PMFBP1: variants seen among roughly 807,000 people sequenced by gnomAD.
The protein encoded by PMFBP1 is polyamine modulated factor 1 binding protein 1.
A neutral mutation model predicts 137.8 loss-of-function variants in PMFBP1; 131 were observed. The observed-to-expected ratio is 0.95, with a 90% CI of 0.82 to 1.10. The LOEUF is 1.10. Among genes scored for constraint, PMFBP1 ranks in the 50% least tolerant of loss-of-function variants. The pLI, the probability that PMFBP1 is intolerant of heterozygous loss-of-function variation, is 0.00. For synonymous variants in PMFBP1, 490 were observed against 450.4 expected, an observed-to-expected ratio of 1.09 and a Z score of -1.11; for missense variants, 1,199 against 1,175.4, an observed-to-expected ratio of 1.02 and a Z score of -0.29.
chr16:72,205,019 C>G, the PMFBP1 span, among the ~76,000 whole-genome samples: 6 of 152,174 alleles, frequency 3.9e-5, no homozygotes. Flanking sequence ...CACACAGGCC[C>G]TATGTACTAA....
intron 2 of PMFBP1, 75 bp downstream of exon 2, chr16:72,171,122 G>C (rs1307017938): frequency 2.7e-6 from 4 of 1,507,456 alleles, no homozygotes; most frequent in Non-Finnish European, 3.7e-6. Context: ...CTGGAATTTT[G>C]AATCATAAAA....
intron 5 of PMFBP1, among the ~76,000 whole-genome samples, chr16:72,149,954 T>A (rs1328310189): frequency 6.6e-6 from 1 of 152,128 alleles, no homozygotes. Context: ...AGGAGGAGAA[T>A]GATGGGGAAG....
the PMFBP1 span, among the ~76,000 whole-genome samples, chr16:72,222,698 C>T: frequency 6.6e-6 from 1 of 152,178 alleles, no homozygotes; most frequent in South Asian, 2.1e-4. Flanking sequence ...TTTAATCTCT[C>T]AGTTTCCACA....
At chr16:72,214,970 A>C in the PMFBP1 span, among the ~76,000 whole-genome samples, 15 of 152,222 alleles carry the variant, frequency 9.9e-5, no homozygotes, top group African/African-American at 2.4e-5. Context: ...AGAAATAAAA[A>C]TCAGTCCTTG....
chr16:72,150,293 T>C, intron 5 of PMFBP1, among the ~76,000 whole-genome samples: 1 of 152,150 alleles, frequency 6.6e-6, no homozygotes, highest in Non-Finnish European at 1.5e-5. Flanking sequence ...AGATGAGCTG[T>C]GATGCAATCT....
At chr16:72,208,280 G>A in the PMFBP1 span, among the ~76,000 whole-genome samples, 6 of 152,206 alleles carry the variant, frequency 3.9e-5, no homozygotes, top group Non-Finnish European at 5.9e-5. Flanking sequence ...GAAATGTGTG[G>A]TAGGGAAAAG....
chr16:72,161,068 A>G (rs979712622), intron 3 of PMFBP1, among the ~76,000 whole-genome samples: 1 of 145,896 alleles, frequency 6.9e-6, no homozygotes, highest in Non-Finnish European at 1.5e-5. Context: ...GTTTAGCCTT[A>G]TATCACTGGA....
chr16:72,154,508 G>A (rs752977708), intron 3 of PMFBP1, 49 bp from the exon 4 acceptor site: 4 of 1,566,242 alleles, frequency 2.6e-6, no homozygotes, highest in Non-Finnish European at 3.5e-6. Flanking sequence ...CATCACTAAG[G>A]ACGTATTCAT....
the PMFBP1 span, among the ~76,000 whole-genome samples, chr16:72,243,479 T>C: frequency 6.6e-6 from 1 of 152,214 alleles, no homozygotes; most frequent in African/African-American, 2.4e-5. Context: ...ACTCATTGCA[T>C]TCCACCAATT....
the PMFBP1 span, among the ~76,000 whole-genome samples, chr16:72,203,994 T>C: frequency 3.3e-5 from 5 of 152,196 alleles, no homozygotes; most frequent in Admixed American, 6.5e-5. Flanking sequence ...GAGGACCCTG[T>C]CTGCCTCTGT....
chr16:72,196,007 GT>G, the PMFBP1 span, among the ~76,000 whole-genome samples: 6 of 151,978 alleles, frequency 3.9e-5, no homozygotes, highest in South Asian at 1.3e-3. Flanking sequence ...GTGTGTGTGT[GT>G]GTGTGTGTGT....
the PMFBP1 span, among the ~76,000 whole-genome samples, chr16:72,248,635 C>T: frequency 6.6e-6 from 1 of 152,098 alleles, no homozygotes; most frequent in Non-Finnish European, 1.5e-5. Flanking sequence ...CACATAATTC[C>T]ATTTCAGCAT....
the PMFBP1 span, among the ~76,000 whole-genome samples, chr16:72,245,251 T>A: frequency 6.6e-6 from 1 of 152,194 alleles, no homozygotes; most frequent in Admixed American, 6.5e-5. Flanking sequence ...TTTTGAGCAT[T>A]TAACATGTGC....
chr16:72,133,142 G>T, intron 9 of PMFBP1, 151 bp from the exon 10 acceptor site: 1 of 785,730 alleles, frequency 1.3e-6, no homozygotes. Flanking sequence ...TTCCCCTCAG[G>T]CTATTCTCCA....
the PMFBP1 span, among the ~76,000 whole-genome samples, chr16:72,199,127 C>T: frequency 6.6e-6 from 1 of 152,180 alleles, no homozygotes; most frequent in African/African-American, 2.4e-5. Flanking sequence ...CCCTTTGTTT[C>T]CAACCCAAGG....
chr16:72,197,817 T>A, the PMFBP1 span, among the ~76,000 whole-genome samples: 2 of 152,106 alleles, frequency 1.3e-5, no homozygotes, highest in African/African-American at 4.8e-5. Flanking sequence ...GAGACTCTGA[T>A]CTGCAGGTTT....
At chr16:72,170,549 C>T (rs1022110751) in intron 2 of PMFBP1, among the ~76,000 whole-genome samples, 1 of 152,142 alleles carries the variant, frequency 6.6e-6, no homozygotes, top group Non-Finnish European at 1.5e-5. Context: ...CTTGCCTCAG[C>T]CTCCTGAGTG....
intron 3 of PMFBP1, among the ~76,000 whole-genome samples, chr16:72,157,842 G>A (rs763190470): frequency 6.6e-5 from 10 of 152,160 alleles, no homozygotes; most frequent in African/African-American, 1.7e-4. Flanking sequence ...AATGGAGGGC[G>A]GGAGAAGTGG....
chr16:72,211,536 G>C, the PMFBP1 span, among the ~76,000 whole-genome samples: 1 of 151,980 alleles, frequency 6.6e-6, no homozygotes, highest in Non-Finnish European at 1.5e-5. Flanking sequence ...ACCTCTGAAT[G>C]AAAGGAAACA....
Sources: gnomAD v4.1 joint callset for allele counts (sites outside exome capture counted in the v4.1 genomes callset) on GRCh38, gnomAD v4.1.1 for gene constraint, MANE v1.5 for transcripts, NCBI Gene and HGNC (gene_info 2026-07-23, HGNC 2026-07-21) for gene names.